Variants in CADPS observed in about 807,000 individuals in gnomAD.
CADPS encodes the protein calcium-dependent secretion activator 1.
CADPS carries 57 observed loss-of-function variants against 167.3 expected under a neutral mutation model. That is an observed-to-expected ratio of 0.34 (90% CI 0.28 to 0.42). CADPS has a LOEUF of 0.42. CADPS is among the 20% of genes least tolerant of loss of function. The probability of loss-of-function intolerance (pLI) is 1.00; values close to 1 mark genes in which losing one functional copy is unlikely to be tolerated. For missense variants in CADPS, 1,414 were observed against 1,738.1 expected (o/e 0.81, Z 3.32); for synonymous variants, 676 against 635.3 (o/e 1.06, Z -0.96).
At chr3:62,839,730 A>G (rs2076379791) in intron 1 of CADPS, among the ~76,000 whole-genome samples, 2 of 152,194 alleles carry the variant, frequency 1.3e-5, no homozygotes, top group Admixed American at 1.3e-4. Context: ...CAAATAGAGG[A>G]TGGAAAACGG....
intron 3 of CADPS, among the ~76,000 whole-genome samples, chr3:62,718,026 AGAGT>A (rs71895709): frequency 0.09 from 11,951 of 132,184 alleles, 609 homozygotes; most frequent in Non-Finnish European, 0.14. Context: ...GTCACATCTT[AGAGT>A]AATTTTTTTT....
intron 1 of CADPS, among the ~76,000 whole-genome samples, chr3:62,859,743 A>T (rs1335758425): frequency 6.6e-6 from 1 of 152,230 alleles, no homozygotes; most frequent in Non-Finnish European, 1.5e-5. Flanking sequence ...AGTTGTTTCT[A>T]ATCTGGCCAT....
chr3:62,600,988 T>C (rs2059876461), intron 6 of CADPS, among the ~76,000 whole-genome samples: 1 of 152,134 alleles, frequency 6.6e-6, no homozygotes. Flanking sequence ...GATGGAGTCC[T>C]TGACGGAAGG....
chr3:62,651,648 T>A (rs2070173924), intron 4 of CADPS, among the ~76,000 whole-genome samples: 2 of 152,302 alleles, frequency 1.3e-5, no homozygotes, highest in South Asian at 4.1e-4. Context: ...ATTAAAATTC[T>A]TTAGAAGATA....
At position 62,640,656 on chromosome 3, in the gene CADPS, G is replaced by A. The variant is rs73842974; in HGVS notation, c.1325+5066C>T. ...GGCAATAATGAAATTCATATGTCAC[G>A]AAGCCCATGGCCTGTCAGGGAGTAA... On this transcript the variant is annotated intron_variant, in intron 6 of 29. Coordinates refer to ENST00000383710, the MANE Select transcript of CADPS (RefSeq NM_003716.4). Among the ~76,000 whole-genome samples the A allele has an allele frequency of 7.2e-4, 109 of 152,210 alleles. 1 individual carries two copies. The highest frequency in any genetic ancestry group is 2.4e-3 in the African/African-American group (98 of 41,526).
chr3:62,557,088 T>G (rs537730203), intron 10 of CADPS, among the ~76,000 whole-genome samples: 27 of 149,186 alleles, frequency 1.8e-4, no homozygotes, highest in Non-Finnish European at 3.7e-4. Flanking sequence ...TTTTTCAGAA[T>G]TTTTTTTTTA....
At chr3:62,406,184 C>T (rs1708424650) in intron 28 of CADPS, among the ~76,000 whole-genome samples, 1 of 152,192 alleles carries the variant, frequency 6.6e-6, no homozygotes, top group South Asian at 2.1e-4. Context: ...AGGGATATCA[C>T]ATTGATAGCT....
At chr3:62,575,297 G>C (rs570800634) in intron 8 of CADPS, among the ~76,000 whole-genome samples, 1 of 152,194 alleles carries the variant, frequency 6.6e-6, no homozygotes, top group Non-Finnish European at 1.5e-5. Flanking sequence ...CAAGTTTTCT[G>C]TGCTGTGCCA....
At chr3:62,705,931 C>G (rs926613687) in intron 3 of CADPS, among the ~76,000 whole-genome samples, 1 of 152,148 alleles carries the variant, frequency 6.6e-6, no homozygotes, top group African/African-American at 2.4e-5. Context: ...CACATCATGT[C>G]ATTTGCCTCC....
At chr3:62,863,111 G>C (rs1409069894) in intron 1 of CADPS, among the ~76,000 whole-genome samples, 4 of 152,138 alleles carry the variant, frequency 2.6e-5, no homozygotes, top group African/African-American at 9.7e-5. Context: ...CATACAATCT[G>C]TCAGACACCT....
intron 3 of CADPS, among the ~76,000 whole-genome samples, chr3:62,724,566 C>T (rs549475048): frequency 6.6e-6 from 1 of 152,178 alleles, no homozygotes; most frequent in South Asian, 2.1e-4. Context: ...CGGTAGTTTC[C>T]AAATAATAAA....
At chr3:62,437,558 G>C (rs1479892719) in intron 28 of CADPS, among the ~76,000 whole-genome samples, 1 of 152,132 alleles carries the variant, frequency 6.6e-6, no homozygotes, top group African/African-American at 2.4e-5. Context: ...ATGGTTTAAA[G>C]CTGCAACTGA....
chr3:62,727,671 G>A (rs931155871), intron 3 of CADPS, among the ~76,000 whole-genome samples: 1 of 151,650 alleles, frequency 6.6e-6, no homozygotes, highest in African/African-American at 2.4e-5. Context: ...TACAACACTA[G>A]ATGAGAAAAC....
At chr3:62,426,841 G>T (rs939135803) in intron 28 of CADPS, among the ~76,000 whole-genome samples, 1 of 151,718 alleles carries the variant, frequency 6.6e-6, no homozygotes, top group Admixed American at 6.6e-5. Context: ...GCCGAGGGGG[G>T]CAGATCATGA....
chr3:62,621,329 C>T (rs918188323), intron 6 of CADPS, among the ~76,000 whole-genome samples: 3 of 151,904 alleles, frequency 2.0e-5, no homozygotes, highest in African/African-American at 7.3e-5. Flanking sequence ...TGCGTGTGTC[C>T]CTGTGGCAGA....
At chr3:62,766,675 C>G (rs2086955173) in intron 1 of CADPS, among the ~76,000 whole-genome samples, 2 of 152,124 alleles carry the variant, frequency 1.3e-5, no homozygotes, top group African/African-American at 4.8e-5. Flanking sequence ...ATGTACAATT[C>G]CTTGCCTATC....
At chr3:62,734,453 C>A (rs2152204917) in intron 3 of CADPS, among the ~76,000 whole-genome samples, 1 of 152,288 alleles carries the variant, frequency 6.6e-6, no homozygotes, top group Middle Eastern at 3.4e-3. Flanking sequence ...TCAGTACTTA[C>A]CCAGTGCCCC....
At chr3:62,701,510 G>A (rs2081376836) in intron 3 of CADPS, among the ~76,000 whole-genome samples, 1 of 151,686 alleles carries the variant, frequency 6.6e-6, no homozygotes, top group Non-Finnish European at 1.5e-5. Context: ...TCGGGAGGCT[G>A]AGGCAGGAGA....
Position 62,696,174 on chromosome 3 carries a change from G to GGGGCCAGGACTCTGC in CADPS, c.889-33795_889-33781dup, listed in dbSNP as rs1444117111. 1.2e-4 allele frequency among the ~76,000 whole-genome samples: 18 copies of GGGGCCAGGACTCTGC among 152,110 alleles called. No individual in the cohort carries two copies. In the East Asian group the frequency reaches 3.5e-3, roughly 30 times the overall value. On this transcript the variant is annotated intron_variant, in intron 3 of 29. Coordinates refer to ENST00000383710, the MANE Select transcript of CADPS (RefSeq NM_003716.4). ...ACCCTGTATTTGGCTGGGTGACATT[G>GGGGCCAGGACTCTGC]GGGCCAGGACTCTGCAAACCAGGCT...
Sources: gnomAD v4.1 joint callset for allele counts (sites outside exome capture counted in the v4.1 genomes callset) on GRCh38, gnomAD v4.1.1 for gene constraint, MANE v1.5 for transcripts, NCBI Gene and HGNC (gene_info 2026-07-23, HGNC 2026-07-21) for gene names.